The following PCDHA5 variants were observed in gnomAD, a reference collection of about 807,000 sequenced individuals.
PCDHA5 encodes the protein protocadherin alpha 5.
Under a neutral mutation model 61.6 loss-of-function variants are expected in PCDHA5, and 43 were observed. The ratio of observed to expected loss-of-function variants is 0.70; its 90% confidence interval spans 0.55 to 0.90. The LOEUF is 0.90. PCDHA5 is among the 40% of genes least tolerant of loss of function. PCDHA5 has a pLI of 0.00. For synonymous variants in PCDHA5, 627 were observed against 543.9 expected, an observed-to-expected ratio of 1.15 and a Z score of -2.13; for missense variants, 1,298 against 1,222.7, an observed-to-expected ratio of 1.06 and a Z score of -0.92.
At chr5:140,995,698 G>A (rs963042409) in intron 3 of PCDHA5, among the ~76,000 whole-genome samples, 2 of 152,104 alleles carry the variant, frequency 1.3e-5, no homozygotes, top group African/African-American at 2.4e-5. Flanking sequence ...TTAAATAAAG[G>A]GCTGGGCTTG....
At chr5:140,933,513 G>A (rs2089204044) in intron 1 of PCDHA5, among the ~76,000 whole-genome samples, 1 of 152,012 alleles carries the variant, frequency 6.6e-6, no homozygotes, top group African/African-American at 2.4e-5. Context: ...AAAGACTACA[G>A]CTGTTTTGTT....
At chr5:140,974,652 C>T (rs1238427822) in intron 1 of PCDHA5, among the ~76,000 whole-genome samples, 2 of 152,078 alleles carry the variant, frequency 1.3e-5, no homozygotes, top group East Asian at 1.9e-4. Context: ...GCTGAGATTA[C>T]AGGCATGCGC....
intron 1 of PCDHA5, chr5:140,863,119 A>T: frequency 1.7e-6 from 1 of 591,284 alleles, no homozygotes; most frequent in Non-Finnish European, 3.3e-6. Context: ...GGCGAAAGCT[A>T]CGCGCCACCG....
At chr5:140,994,188 G>T (rs1156320589) in intron 3 of PCDHA5, among the ~76,000 whole-genome samples, 1 of 152,080 alleles carries the variant, frequency 6.6e-6, no homozygotes, top group Non-Finnish European at 1.5e-5. Flanking sequence ...AAACCACCAG[G>T]GCCTGTTGGT....
intron 1 of PCDHA5, among the ~76,000 whole-genome samples, chr5:140,881,790 G>T (rs2058832674): frequency 6.6e-6 from 1 of 152,164 alleles, no homozygotes; most frequent in Non-Finnish European, 1.5e-5. Context: ...CCGATCAATT[G>T]TCCCAAAACG....
intron 1 of PCDHA5, chr5:140,869,684 T>A: frequency 6.2e-7 from 1 of 1,613,486 alleles, no homozygotes; most frequent in Non-Finnish European, 8.5e-7. Context: ...AGACTGTCAC[T>A]TATTTTAAAG....
intron 1 of PCDHA5, among the ~76,000 whole-genome samples, chr5:140,845,131 G>A (rs1779712441): frequency 6.7e-6 from 1 of 149,158 alleles, no homozygotes; most frequent in South Asian, 2.1e-4. Flanking sequence ...CATTTTATTT[G>A]ACTATTTGAA....
chr5:140,978,575 G>A (rs2096810585), intron 1 of PCDHA5, among the ~76,000 whole-genome samples: 1 of 152,202 alleles, frequency 6.6e-6, no homozygotes, highest in African/African-American at 2.4e-5. Flanking sequence ...ATACTGAATT[G>A]GGAATGTTCC....
intron 3 of PCDHA5, among the ~76,000 whole-genome samples, chr5:140,992,217 C>T (rs1281643880): frequency 6.6e-6 from 1 of 152,088 alleles, no homozygotes; most frequent in Non-Finnish European, 1.5e-5. Flanking sequence ...AACTACTCTC[C>T]CTTCCTGGGA....
intron 3 of PCDHA5, among the ~76,000 whole-genome samples, chr5:140,989,611 A>G (rs2097350612): frequency 6.6e-6 from 1 of 152,232 alleles, no homozygotes. Flanking sequence ...ACTAAAAATG[A>G]AAGTCTGTCC....
chr5:140,861,046 A>G (rs2046732410), intron 1 of PCDHA5: 1 of 152,256 alleles, frequency 6.6e-6, no homozygotes, highest in African/African-American at 2.4e-5. Context: ...ATTTTTTTTA[A>G]CAGAAGAAAA....
At chr5:140,935,473 AT>A (rs2090393235) in intron 1 of PCDHA5, among the ~76,000 whole-genome samples, 1 of 152,212 alleles carries the variant, frequency 6.6e-6, no homozygotes, top group African/African-American at 2.4e-5. Context: ...AGTTTTTGTC[AT>A]TCTTTTCATT....
intron 1 of PCDHA5, among the ~76,000 whole-genome samples, chr5:140,946,325 A>G (rs2093929113): frequency 6.6e-6 from 1 of 151,932 alleles, no homozygotes; most frequent in Non-Finnish European, 1.5e-5. Context: ...TGAAAGAGGA[A>G]AGATAACAAG....
At chr5:140,828,010 G>T in intron 1 of PCDHA5, 1 of 1,506,712 alleles carries the variant, frequency 6.6e-7, no homozygotes, top group South Asian at 1.3e-5. Context: ...CAGAAGAAAT[G>T]GATTAATAAA....
chr5:140,966,659 G>T, intron 1 of PCDHA5: 1 of 1,217,656 alleles, frequency 8.2e-7, no homozygotes, highest in South Asian at 2.0e-5. Flanking sequence ...AGCGGTGGGG[G>T]AGCAGGCGCA....
chr5:140,858,449 G>A, intron 1 of PCDHA5: 3 of 1,532,030 alleles, frequency 2.0e-6, no homozygotes, highest in African/African-American at 2.8e-5. Context: ...GGGTTATTAC[G>A]TTTTCATTTT....
rs73793540 is a variant in PCDHA5, at chr5:140,959,705, G to T, written c.2353-19244G>T. 8.9e-3 allele frequency among the ~76,000 whole-genome samples: 1,358 copies of T among 152,238 alleles called. 14 individuals are homozygous for T. The highest frequency in any genetic ancestry group is 0.032 in the African/African-American group (1,312 of 41,544). On this transcript the variant is annotated intron_variant, in intron 1 of 3. Coordinates refer to ENST00000529859, the MANE Select transcript of PCDHA5 (RefSeq NM_018908.3). ...AATTTCAATAAAATGAGCTTTGAAA[G>T]GGAAAATTTTTAGATAACATTATCT...
At chr5:140,857,029 A>C in intron 1 of PCDHA5, 1 of 1,596,504 alleles carries the variant, frequency 6.3e-7, no homozygotes, top group South Asian at 1.1e-5. Flanking sequence ...AGGGAAACCC[A>C]CCTATGGTTG....
intron 1 of PCDHA5, among the ~76,000 whole-genome samples, chr5:140,838,247 G>A (rs1775616810): frequency 1.3e-5 from 2 of 149,910 alleles, no homozygotes; most frequent in African/African-American, 4.9e-5. Context: ...CCAAGTAGCT[G>A]GGATTAAAGA....
Sources: allele counts gnomAD v4.1 joint callset (sites outside exome capture counted in the v4.1 genomes callset), GRCh38; gene constraint gnomAD v4.1.1; transcripts MANE v1.5; gene names NCBI Gene and HGNC (gene_info 2026-07-23, HGNC 2026-07-21).